Variants in DPP10 observed in about 807,000 individuals in gnomAD.
DPP10 encodes dipeptidyl peptidase like 10, also known as inactive dipeptidyl peptidase 10.
DPP10 carries 33 observed loss-of-function variants against 120.9 expected under a neutral mutation model. The observed-to-expected ratio is 0.27, with a 90% CI of 0.21 to 0.37. The LOEUF (loss-of-function observed/expected upper bound fraction) is 0.37. Among genes scored for constraint, DPP10 ranks in the 10% least tolerant of loss-of-function variants. The probability of loss-of-function intolerance (pLI) is 1.00; values close to 1 mark genes in which losing one functional copy is unlikely to be tolerated. For missense variants in DPP10, 816 were observed against 942.8 expected (o/e 0.87, Z 1.76); for synonymous variants, 337 against 326.1 (o/e 1.03, Z -0.36).
intron 5 of DPP10, among the ~76,000 whole-genome samples, chr2:115,650,513 T>C (rs1050275130): frequency 6.6e-6 from 1 of 152,176 alleles, no homozygotes; most frequent in East Asian, 1.9e-4. Context: ...CTCTAGTTTC[T>C]TCTCCCTTTA....
chr2:115,502,189 A>G (rs1205523495), intron 4 of DPP10, among the ~76,000 whole-genome samples: 2 of 152,062 alleles, frequency 1.3e-5, no homozygotes, highest in African/African-American at 2.4e-5. Context: ...TTTAAATATG[A>G]TTGGTGTGTA....
In DPP10 at chr2:115,524,510, A is replaced by T. The variant is rs148114438; in HGVS notation, c.367-1388A>T. 3.5e-3 allele frequency among the ~76,000 whole-genome samples: 531 copies of T among 152,242 alleles called. 2 individuals carry two copies. The highest frequency in any genetic ancestry group is 0.012 in the African/African-American group (494 of 41,554). On this transcript the variant is annotated intron_variant, in intron 4 of 25. Transcript: ENST00000410059. ...ATGCATCCATATGTTTACCAACCAGATGGTTCCCTCAACCCTTATCATTCA... is the reference window on the plus strand; with the variant it reads ...ATGCATCCATATGTTTACCAACCAGTTGGTTCCCTCAACCCTTATCATTCA...
intron 2 of DPP10, among the ~76,000 whole-genome samples, chr2:115,314,892 G>A (rs2061720076): frequency 6.6e-6 from 1 of 152,022 alleles, no homozygotes; most frequent in Non-Finnish European, 1.5e-5. Context: ...CTAGAAGACA[G>A]CATTTAAGGT....
At chr2:115,736,798 C>G (rs187675068) in intron 8 of DPP10, among the ~76,000 whole-genome samples, 1 of 152,148 alleles carries the variant, frequency 6.6e-6, no homozygotes. Flanking sequence ...CAGAGGCTGA[C>G]GGACATGTAC....
At chr2:115,393,040 C>T (rs996660929) in intron 3 of DPP10, among the ~76,000 whole-genome samples, 4 of 151,954 alleles carry the variant, frequency 2.6e-5, no homozygotes, top group Non-Finnish European at 5.9e-5. Flanking sequence ...AGGCTGGGTG[C>T]GGTGGCTCAT....
chr2:115,754,011 G>A lies in DPP10; in HGVS notation c.1074+714G>A, dbSNP rs932175791. Among the ~76,000 whole-genome samples the A allele has an allele frequency of 4.6e-5, 7 of 152,218 alleles. No homozygotes were observed. In the South Asian group the frequency reaches 1.0e-3, roughly 23 times the overall value. The stretch of plus-strand genomic sequence containing the variant: ...TTCTGTTATAAACAACTGTAAAATT[G>A]TACAAAATATACAAAACATCTGTTT... On this transcript the variant is annotated intron_variant, in intron 11 of 25. Coordinates refer to ENST00000410059, the MANE Select transcript of DPP10 (RefSeq NM_020868.6).
intron 1 of DPP10, among the ~76,000 whole-genome samples, chr2:114,554,302 G>A (rs1484499554): frequency 6.6e-6 from 1 of 152,292 alleles, no homozygotes; most frequent in South Asian, 2.1e-4. Flanking sequence ...CCAGCGCTTG[G>A]CTCAGGTGCA....
At chr2:115,436,957 C>G (rs905004313) in intron 3 of DPP10, among the ~76,000 whole-genome samples, 3 of 151,874 alleles carry the variant, frequency 2.0e-5, no homozygotes, top group African/African-American at 7.2e-5. Context: ...ATGTAAGATA[C>G]TGCAATTTCA....
chr2:115,164,358 T>C (rs2052670194), intron 1 of DPP10, among the ~76,000 whole-genome samples: 1 of 151,936 alleles, frequency 6.6e-6, no homozygotes. Context: ...ATGGTTTAAT[T>C]CTGCAATTGC....
At chr2:115,007,751 G>A (rs1419852567) in intron 1 of DPP10, among the ~76,000 whole-genome samples, 3 of 150,790 alleles carry the variant, frequency 2.0e-5, no homozygotes, top group East Asian at 1.9e-4. Flanking sequence ...AAATCAATGT[G>A]CAAAAATCAC....
chr2:115,571,619 C>G (rs2081341692), intron 5 of DPP10, among the ~76,000 whole-genome samples: 1 of 151,590 alleles, frequency 6.6e-6, no homozygotes, highest in African/African-American at 2.4e-5. Context: ...ATTTTGTTCT[C>G]TCTTAATGAC....
chr2:114,986,329 A>G (rs2104892571), intron 1 of DPP10, among the ~76,000 whole-genome samples: 2 of 152,322 alleles, frequency 1.3e-5, no homozygotes, highest in Middle Eastern at 6.8e-3. Context: ...CTTTTCAACT[A>G]CAGCTGGGTT....
At chr2:115,473,010 A>G (rs984342935) in intron 3 of DPP10, among the ~76,000 whole-genome samples, 1 of 152,200 alleles carries the variant, frequency 6.6e-6, no homozygotes, top group African/African-American at 2.4e-5. Context: ...TTTCCACTTT[A>G]AGAGTGCATG....
chr2:114,477,026 T>G (rs1480082897), intron 1 of DPP10, among the ~76,000 whole-genome samples: 3 of 152,144 alleles, frequency 2.0e-5, no homozygotes, highest in African/African-American at 7.2e-5. Flanking sequence ...TGGCATGATT[T>G]CGGCTCACTG....
intron 1 of DPP10, among the ~76,000 whole-genome samples, chr2:115,276,792 A>T (rs2059938545): frequency 6.6e-6 from 1 of 152,156 alleles, no homozygotes; most frequent in Non-Finnish European, 1.5e-5. Flanking sequence ...TACCTTCTTT[A>T]TTAAGTAGGT....
intron 3 of DPP10, among the ~76,000 whole-genome samples, chr2:115,471,298 G>A (rs1256262698): frequency 3.9e-5 from 6 of 152,148 alleles, no homozygotes; most frequent in Non-Finnish European, 8.8e-5. Context: ...TCTTCAGACA[G>A]CCTTTGTATC....
intron 3 of DPP10, among the ~76,000 whole-genome samples, chr2:115,450,731 C>T (rs754813607): frequency 5.3e-5 from 8 of 151,786 alleles, no homozygotes; most frequent in Non-Finnish European, 8.8e-5. Flanking sequence ...CTTGAAGAAG[C>T]TGCTAAACCA....
At chr2:114,556,228 A>C (rs1688283961) in intron 1 of DPP10, among the ~76,000 whole-genome samples, 1 of 58,266 alleles carries the variant, frequency 1.7e-5, no homozygotes, top group Non-Finnish European at 3.2e-5. Context: ...TGATACATAG[A>C]TGATACATAT....
intron 3 of DPP10, among the ~76,000 whole-genome samples, chr2:115,474,930 G>A (rs1237336792): frequency 2.0e-5 from 3 of 152,134 alleles, no homozygotes; most frequent in Non-Finnish European, 4.4e-5. Context: ...CCAAGCCCAG[G>A]GCCCCACTGC....
Sources: gnomAD v4.1 joint callset for allele counts (sites outside exome capture counted in the v4.1 genomes callset) on GRCh38, gnomAD v4.1.1 for gene constraint, MANE v1.5 for transcripts, NCBI Gene and HGNC (gene_info 2026-07-23, HGNC 2026-07-21) for gene names.